BAZ2B: variants seen among roughly 807,000 people sequenced by gnomAD.
BAZ2B encodes the protein bromodomain adjacent to zinc finger domain protein 2B.
BAZ2B carries 91 observed loss-of-function variants against 246.0 expected under a neutral mutation model. The observed-to-expected ratio is 0.37, with a 90% confidence interval of 0.31 to 0.44. BAZ2B has a LOEUF of 0.44. Ranked by LOEUF, BAZ2B falls within the 20% of genes least tolerant of loss-of-function variation. BAZ2B has a pLI of 1.00. For missense variants in BAZ2B, 2,332 were observed against 2,533.7 expected, an observed-to-expected ratio of 0.92 and a Z score of 1.71; for synonymous variants, 855 against 860.0, an observed-to-expected ratio of 0.99 and a Z score of 0.10.
intron 25 of BAZ2B, among the ~76,000 whole-genome samples, chr2:159,382,238 T>C (rs1188205328): frequency 1.3e-5 from 2 of 152,170 alleles, no homozygotes; most frequent in African/African-American, 2.4e-5. Context: ...TGTAACACAG[T>C]ATGTTAACAG....
chr2:159,369,877 T>G (rs1178675737), intron 27 of BAZ2B, among the ~76,000 whole-genome samples: 2 of 152,182 alleles, frequency 1.3e-5, no homozygotes, highest in Non-Finnish European at 2.9e-5. Context: ...CCGTTGGGTA[T>G]ATACCCAGTA....
intron 20 of BAZ2B, among the ~76,000 whole-genome samples, chr2:159,391,296 A>G (rs948224194): frequency 6.6e-6 from 1 of 152,194 alleles, no homozygotes; most frequent in Non-Finnish European, 1.5e-5. Context: ...TCTATGCCAT[A>G]TAGCCCAGAT....
rs1457744042 is a variant in BAZ2B, at chr2:159,448,338, T to G, written c.406A>C (p.Ile136Leu). Residue 136 changes from isoleucine to leucine, a missense_variant, in exon 5 of 37, where the codon ATT becomes CTT. This residue lies in a region of BAZ2B where 242 missense variants were observed against 237.4 expected (regional missense o/e 1.02). Transcript: ENST00000392783. ...GATFFPPLLG[I>L]PPLFAPPAQN... ...GCTGGGGGAGCAAATAGTGGTGGAA[T>G]TCCCAGTAATGGTGGAAAGAAGGTT... 5 of 1,613,332 alleles carry G rather than the reference T, an allele frequency of 3.1e-6. No individual in the cohort carries two copies. The African/African-American group carries it at 5.3e-5, about 17-fold the overall frequency.
intron 1 of BAZ2B, among the ~76,000 whole-genome samples, chr2:159,573,455 T>G (rs4665082): frequency 0.55 from 83,919 of 151,968 alleles, 23,919 homozygotes; most frequent in East Asian, 0.74. Flanking sequence ...CAACTGAATA[T>G]CCACATGTAA....
chr2:159,661,866 C>T, the BAZ2B span, among the ~76,000 whole-genome samples: 1 of 152,098 alleles, frequency 6.6e-6, no homozygotes, highest in African/African-American at 2.4e-5. Flanking sequence ...CTGTCTCCAC[C>T]TCCCAAAGTG....
the BAZ2B span, among the ~76,000 whole-genome samples, chr2:159,631,062 G>A: frequency 6.6e-6 from 1 of 152,108 alleles, no homozygotes; most frequent in Non-Finnish European, 1.5e-5. Flanking sequence ...CGGGCATGGT[G>A]GTACACACCT....
chr2:159,710,864 T>C, the BAZ2B span: 2 of 152,204 alleles, frequency 1.3e-5, no homozygotes, highest in South Asian at 2.1e-4. Flanking sequence ...TCATTTCTCT[T>C]AGCATAATCT....
intron 3 of BAZ2B, among the ~76,000 whole-genome samples, chr2:159,473,158 T>C (rs2078040649): frequency 6.6e-6 from 1 of 152,168 alleles, no homozygotes; most frequent in Non-Finnish European, 1.5e-5. Context: ...TGGCTCCTCT[T>C]TGTACCTCTG....
the BAZ2B span, among the ~76,000 whole-genome samples, chr2:159,668,303 T>C: frequency 2.0e-5 from 3 of 152,328 alleles, no homozygotes; most frequent in South Asian, 4.1e-4. Context: ...ACATTATTGC[T>C]GTTATTCTTT....
At chr2:159,465,843 G>A (rs1182249633) in intron 3 of BAZ2B, among the ~76,000 whole-genome samples, 2 of 152,022 alleles carry the variant, frequency 1.3e-5, no homozygotes, top group Non-Finnish European at 2.9e-5. Flanking sequence ...GAACCCAGGA[G>A]GCAGAGGTTG....
chr2:159,512,505 A>G (rs2083035358), intron 2 of BAZ2B, among the ~76,000 whole-genome samples: 1 of 152,198 alleles, frequency 6.6e-6, no homozygotes, highest in Admixed American at 6.5e-5. Flanking sequence ...CACTTGCCTA[A>G]AAAACAGCCA....
chr2:159,322,172 G>T (rs762115318), intron 36 of BAZ2B: 2 of 152,152 alleles, frequency 1.3e-5, no homozygotes, highest in Admixed American at 6.6e-5. Context: ...GATAATGAAA[G>T]AAATATTTCT....
the BAZ2B span, among the ~76,000 whole-genome samples, chr2:159,699,383 A>G: frequency 6.6e-6 from 1 of 152,066 alleles, no homozygotes; most frequent in Non-Finnish European, 1.5e-5. Context: ...CCTTTTTTAA[A>G]AAAATGAGCT....
chr2:159,555,014 G>GTTTT (rs2088875461), intron 2 of BAZ2B, among the ~76,000 whole-genome samples: 2 of 150,994 alleles, frequency 1.3e-5, no homozygotes, highest in African/African-American at 4.9e-5. Flanking sequence ...ATTTAAGCAA[G>GTTTT]ATGCCTAAAA....
the BAZ2B span, among the ~76,000 whole-genome samples, chr2:159,632,083 T>C: frequency 3.3e-4 from 51 of 152,252 alleles, no homozygotes; most frequent in African/African-American, 1.2e-3. Context: ...GTCAGAAATT[T>C]AGCAATTCAT....
the BAZ2B span, among the ~76,000 whole-genome samples, chr2:159,696,755 T>C: frequency 3.3e-5 from 5 of 152,220 alleles, no homozygotes; most frequent in South Asian, 4.1e-4. Flanking sequence ...ATTCTAACAT[T>C]AACATATGGT....
chr2:159,406,253 T>A (rs1282504822), intron 14 of BAZ2B, among the ~76,000 whole-genome samples: 1 of 152,234 alleles, frequency 6.6e-6, no homozygotes, highest in African/African-American at 2.4e-5. Flanking sequence ...GCTTTTGTTC[T>A]TGTGCTTTGC....
chr2:159,641,860 T>C, the BAZ2B span, among the ~76,000 whole-genome samples: 1 of 152,200 alleles, frequency 6.6e-6, no homozygotes, highest in Non-Finnish European at 1.5e-5. Context: ...ATTATTTTCA[T>C]ATTTTTCCTT....
chr2:159,466,712 A>G (rs1030070868), intron 3 of BAZ2B, among the ~76,000 whole-genome samples: 4 of 152,078 alleles, frequency 2.6e-5, no homozygotes, highest in African/African-American at 9.7e-5. Flanking sequence ...AGCTGGTGGT[A>G]TAATTCTGAG....
Sources: gnomAD v4.1 joint callset for allele counts (sites outside exome capture counted in the v4.1 genomes callset) on GRCh38, gnomAD v4.1.1 for gene constraint, gnomAD v4.1.1 regional missense constraint, MANE v1.5 for transcripts, NCBI Gene and HGNC (gene_info 2026-07-23, HGNC 2026-07-21) for gene names.